EVL: variants seen among roughly 807,000 people sequenced by gnomAD.
EVL encodes the protein ena/VASP-like protein.
In EVL, 21 loss-of-function variants were observed where a neutral mutation model predicts 59.6. The observed-to-expected ratio is 0.35, with a 90% CI of 0.25 to 0.51. The LOEUF is 0.51. EVL is among the 20% of genes least tolerant of loss of function. The pLI is 0.97. For missense variants in EVL, 462 were observed against 546.6 expected (o/e 0.85, Z 1.54); for synonymous variants, 198 against 203.5 (o/e 0.97, Z 0.23).
intron 1 of EVL, among the ~76,000 whole-genome samples, chr14:100,024,290 A>T (rs1862006306): frequency 6.6e-6 from 1 of 152,176 alleles, no homozygotes; most frequent in African/African-American, 2.4e-5. Context: ...AGTCAAAATG[A>T]GTAGTATTGG....
intron 1 of EVL, among the ~76,000 whole-genome samples, chr14:100,067,213 C>T (rs961451995): frequency 3.9e-5 from 6 of 152,240 alleles, no homozygotes; most frequent in Admixed American, 3.9e-4. Context: ...GCAAGGTCAG[C>T]AGCCATAGGA....
chr14:100,033,858 G>A (rs1193075234), intron 1 of EVL, among the ~76,000 whole-genome samples: 1 of 152,132 alleles, frequency 6.6e-6, no homozygotes, highest in Non-Finnish European at 1.5e-5. Flanking sequence ...CCTGTGTTTT[G>A]ACTGCTGTTT....
intron 3 of EVL, among the ~76,000 whole-genome samples, chr14:100,117,260 C>G (rs1244426981): frequency 6.6e-6 from 1 of 152,250 alleles, no homozygotes; most frequent in Admixed American, 6.5e-5. Context: ...AGAACCTGTC[C>G]AGCTCCTGGG....
chr14:100,106,622 G>A (rs1886589486), intron 3 of EVL: 1 of 388,794 alleles, frequency 2.6e-6, no homozygotes, highest in Non-Finnish European at 4.5e-6. Context: ...ATTTAGGTAG[G>A]TAGGTTATGT....
rs538228399 is a variant in EVL at position 100,019,596 on chromosome 14, A to G, written c.5+47539A>G. ...TTTCTGCACTTTGCACCATCTGACT[A>G]ACTAAATGGTTGTCCTCCATACCAA... On this transcript the variant is annotated intron_variant, in intron 1 of 13. Transcript: ENST00000402714. 53 of 1,384,338 alleles carry G rather than the reference A, an allele frequency of 3.8e-5. No homozygotes were observed. The Admixed American group carries it at 6.3e-4, about 16-fold the overall frequency. 85.8% of individuals were successfully genotyped at this position (1,384,338 alleles called of 1,614,324 possible).
rs1156986677 is a variant in EVL, at chr14:100,141,754, G to A, written c.1180G>A (p.Val394Met). The A allele has an allele frequency of 3.1e-6, 5 of 1,613,568 alleles. No homozygotes were observed. Among genetic ancestry groups the A allele is most frequent in the Non-Finnish European group, 4.2e-6 (5 of 1,179,956 alleles). The change falls in exon 13 of 14, where the codon GTG (valine) becomes ATG (methionine). Residue 394 changes from valine (V) to methionine (M), a missense_variant. Val to Met is a conservative substitution (Grantham distance 21, BLOSUM62 1). Coordinates refer to ENST00000392920, the MANE Select transcript of EVL (RefSeq NM_016337.3). The part of the protein sequence containing the change: ...RMKQEILEEV[V>M]RELHKVKEEI... ...CCAACAGGAGATCCTAGAGGAGGTGGTGAGAGAGCTCCACAAGGTGAAGGA... is the reference window on the plus strand; with the variant it reads ...CCAACAGGAGATCCTAGAGGAGGTGATGAGAGAGCTCCACAAGGTGAAGGA...
intron 1 of EVL, among the ~76,000 whole-genome samples, chr14:99,973,754 A>G (rs1036166176): frequency 2.0e-5 from 3 of 152,204 alleles, no homozygotes; most frequent in Non-Finnish European, 2.9e-5. Context: ...TGAGCCACCG[A>G]AAATAGTTTC....
chr14:100,000,118 T>TG (rs1479547287), intron 1 of EVL, among the ~76,000 whole-genome samples: 1 of 152,222 alleles, frequency 6.6e-6, no homozygotes, highest in Non-Finnish European at 1.5e-5. Flanking sequence ...AAGTTTGTTT[T>TG]GCCAAGGTTG....
At chr14:100,081,437 C>T (rs2062301526) in intron 1 of EVL, among the ~76,000 whole-genome samples, 1 of 149,426 alleles carries the variant, frequency 6.7e-6, no homozygotes, top group South Asian at 2.1e-4. Flanking sequence ...CAAACCAATA[C>T]TATTCAAAGG....
rs781688745 is a variant in EVL at position 100,123,617 on chromosome 14, G to C, written c.422+15G>C. On this transcript the variant is annotated intron_variant, in intron 4 of 13. Transcript: ENST00000392920. Reference sequence around the variant, plus strand: ...ATCCAGAGAAGGTAACCCAGCACCCGCAGGGGCCAGGCTGGTCATCTCCCA... The same window carrying C: ...ATCCAGAGAAGGTAACCCAGCACCCCCAGGGGCCAGGCTGGTCATCTCCCA... The C allele has an allele frequency of 6.2e-7, 1 of 1,613,632 alleles. No homozygotes were observed. Among genetic ancestry groups the C allele is most frequent in the Admixed American group, 1.7e-5 (1 of 59,994 alleles).
intron 1 of EVL, among the ~76,000 whole-genome samples, chr14:100,029,813 G>C (rs1261936715): frequency 6.6e-6 from 1 of 152,112 alleles, no homozygotes; most frequent in Non-Finnish European, 1.5e-5. Flanking sequence ...AGTTTTTGCT[G>C]TCTTCTCAGG....
At chr14:100,091,788 T>G (rs1209649968) in intron 2 of EVL, among the ~76,000 whole-genome samples, 1 of 152,190 alleles carries the variant, frequency 6.6e-6, no homozygotes, top group East Asian at 1.9e-4. Context: ...CAACCTGCAC[T>G]TGCGACTGGC....
intron 1 of EVL, chr14:99,975,049 C>T (rs73345454): frequency 0.075 from 11,496 of 152,708 alleles, 530 homozygotes; most frequent in Non-Finnish European, 0.099. Context: ...GGCCTTGCCA[C>T]CACCAGCTCC....
At chr14:100,134,447 C>T (rs1888640888) in intron 8 of EVL, among the ~76,000 whole-genome samples, 1 of 152,214 alleles carries the variant, frequency 6.6e-6, no homozygotes, top group Non-Finnish European at 1.5e-5. Context: ...AGACCCCCAT[C>T]TTTTCTGTCT....
In EVL at chr14:100,132,285, A is replaced by G. The variant is rs562013112; in HGVS notation, c.840-434A>G. Among the ~76,000 whole-genome samples, 148 of 150,582 alleles carry G rather than the reference A, an allele frequency of 9.8e-4. 1 individual carries two copies. Among genetic ancestry groups the G allele is most frequent in the Non-Finnish European group, 4.3e-4 (29 of 67,708 alleles). ...CTGGGTTAACTGAGTTCCAAGACACAAGGGCCTTAGAGTGACACAAGAAAG... is the reference window on the plus strand; with the variant it reads ...CTGGGTTAACTGAGTTCCAAGACACGAGGGCCTTAGAGTGACACAAGAAAG... On this transcript the variant is annotated intron_variant, in intron 7 of 13. Coordinates refer to ENST00000392920, the MANE Select transcript of EVL (RefSeq NM_016337.3).
intron 1 of EVL, among the ~76,000 whole-genome samples, chr14:100,026,885 C>A (rs1277913170): frequency 1.3e-5 from 2 of 152,150 alleles, no homozygotes; most frequent in African/African-American, 4.8e-5. Flanking sequence ...TCTTGGATCC[C>A]CGGGGCCTGT....
At chr14:100,028,356 C>T (rs963470371) in intron 1 of EVL, among the ~76,000 whole-genome samples, 2 of 151,956 alleles carry the variant, frequency 1.3e-5, no homozygotes, top group African/African-American at 4.8e-5. Flanking sequence ...TTTTCACATA[C>T]CTCTTGGCCA....
chr14:100,140,578 T>C (rs566832229), intron 11 of EVL: 1 of 151,876 alleles, frequency 6.6e-6, no homozygotes, highest in Admixed American at 6.6e-5. Context: ...ATTGCGCCAT[T>C]GCACTCCAAT....
In EVL at chr14:100,108,431, A is replaced by G. The variant is rs970200301; in HGVS notation, c.358+10773A>G. 1.3e-5 allele frequency among the ~76,000 whole-genome samples: 2 copies of G among 152,188 alleles called. No individual in the cohort carries two copies. The highest frequency in any genetic ancestry group is 2.9e-5 in the Non-Finnish European group (2 of 68,028). On this transcript the variant is annotated intron_variant, in intron 3 of 13. Coordinates refer to ENST00000392920, the MANE Select transcript of EVL (RefSeq NM_016337.3). This position sits in a 1 kb window ranked among gnomAD's most constrained non-coding sequence, Gnocchi z 4.1. ...CCACCTGAGAGAAAGCAGGCCCAGC[A>G]TGGCCCTGCCTGAGGGGAACAGGAC...
Sources: allele counts gnomAD v4.1 joint callset (sites outside exome capture counted in the v4.1 genomes callset), GRCh38; gene constraint gnomAD v4.1.1; non-coding constraint Gnocchi (gnomAD v3.1); transcripts MANE v1.5; gene names NCBI Gene and HGNC (gene_info 2026-07-23, HGNC 2026-07-21).